The following COL22A1 variants were observed in gnomAD, a reference collection of about 807,000 sequenced individuals.
The protein encoded by COL22A1 is collagen type XXII alpha 1 chain, also known as collagen alpha-1(XXII) chain.
COL22A1 carries 221 observed loss-of-function variants against 248.9 expected under a neutral mutation model. That is an observed-to-expected ratio of 0.89 (90% CI 0.80 to 0.99). The LOEUF (loss-of-function observed/expected upper bound fraction) is 0.99. Among genes scored for constraint, COL22A1 ranks in the 50% least tolerant of loss-of-function variants. The pLI is 0.00. For missense variants in COL22A1, 2,240 were observed against 2,179.0 expected, an observed-to-expected ratio of 1.03 and a Z score of -0.56; for synonymous variants, 891 against 793.4, an observed-to-expected ratio of 1.12 and a Z score of -2.07.
At chr8:138,880,312 A>G (rs1824094210) in intron 2 of COL22A1, among the ~76,000 whole-genome samples, 1 of 152,250 alleles carries the variant, frequency 6.6e-6, no homozygotes. Context: ...GATATGTATA[A>G]CATAGAATTT....
At chr8:138,857,913 G>A (rs1245402423) in intron 3 of COL22A1, among the ~76,000 whole-genome samples, 10 of 152,166 alleles carry the variant, frequency 6.6e-5, no homozygotes, top group East Asian at 3.9e-4. Context: ...CATAGAGGTC[G>A]CCTGCTGAAG....
intron 10 of COL22A1, among the ~76,000 whole-genome samples, chr8:138,804,854 A>C (rs1817339795): frequency 7.3e-6 from 1 of 136,146 alleles, no homozygotes; most frequent in Non-Finnish European, 1.6e-5. Context: ...ACGTATGTAT[A>C]TGTGATGGTG....
At chr8:138,797,768 A>T (rs749843101) in intron 11 of COL22A1, among the ~76,000 whole-genome samples, 1 of 152,188 alleles carries the variant, frequency 6.6e-6, no homozygotes. Context: ...GAGGTATTGA[A>T]GTCTCTAACT....
At chr8:138,600,867 T>G (rs569747547) in intron 60 of COL22A1, among the ~76,000 whole-genome samples, 4 of 152,220 alleles carry the variant, frequency 2.6e-5, no homozygotes, top group African/African-American at 9.7e-5. Flanking sequence ...TACACCTGGA[T>G]GCTAAGGCCC....
chr8:138,761,043 G>A (rs1320274), intron 17 of COL22A1, among the ~76,000 whole-genome samples: 36,769 of 152,034 alleles, frequency 0.24, 4,830 homozygotes, highest in African/African-American at 0.34. Context: ...ATAGACATGC[G>A]TTCAAGGATG....
At chr8:138,688,389 C>T (rs1486243725) in intron 37 of COL22A1, among the ~76,000 whole-genome samples, 4 of 151,882 alleles carry the variant, frequency 2.6e-5, no homozygotes, top group African/African-American at 4.8e-5. Flanking sequence ...GGCATGGTGG[C>T]GCACACCTGT....
intron 18 of COL22A1, among the ~76,000 whole-genome samples, chr8:138,759,367 T>C (rs1360840561): frequency 6.6e-6 from 1 of 152,240 alleles, no homozygotes; most frequent in Non-Finnish European, 1.5e-5. Context: ...GCGATGCTGA[T>C]CGGGTCTCAG....
chr8:138,908,060 A>G (rs1220320682), intron 1 of COL22A1, among the ~76,000 whole-genome samples: 1 of 152,126 alleles, frequency 6.6e-6, no homozygotes, highest in Admixed American at 6.5e-5. Flanking sequence ...CCCCACACAA[A>G]GGCTCATTCA....
intron 16 of COL22A1, among the ~76,000 whole-genome samples, chr8:138,773,550 G>A (rs1471710288): frequency 6.6e-6 from 1 of 152,216 alleles, no homozygotes; most frequent in African/African-American, 2.4e-5. Flanking sequence ...TTTAGCAAAT[G>A]TGTATCAAAG....
intron 3 of COL22A1, among the ~76,000 whole-genome samples, chr8:138,859,219 C>T (rs1333597230): frequency 6.6e-6 from 1 of 152,194 alleles, no homozygotes; most frequent in Non-Finnish European, 1.5e-5. Context: ...TCCAAACTCA[C>T]ACAGTCGTGA....
intron 3 of COL22A1, among the ~76,000 whole-genome samples, chr8:138,855,035 T>C (rs1390044181): frequency 3.9e-5 from 6 of 152,286 alleles, no homozygotes; most frequent in Non-Finnish European, 7.4e-5. Flanking sequence ...TCCTATCCAC[T>C]TGCTGTGTGA....
At chr8:138,799,259 GATC>G (rs1816808414) in intron 11 of COL22A1, among the ~76,000 whole-genome samples, 1 of 151,960 alleles carries the variant, frequency 6.6e-6, no homozygotes, top group East Asian at 1.9e-4. Context: ...TTAGTTCTTT[GATC>G]ATAATTATAA....
At chr8:138,710,508 G>T (rs948692015) in intron 30 of COL22A1, among the ~76,000 whole-genome samples, 2 of 152,080 alleles carry the variant, frequency 1.3e-5, no homozygotes, top group Non-Finnish European at 2.9e-5. Flanking sequence ...TATTTCTATT[G>T]TTATTTAGCA....
chr8:138,683,017 C>A (rs1587851120), intron 39 of COL22A1, among the ~76,000 whole-genome samples: 1 of 152,128 alleles, frequency 6.6e-6, no homozygotes, highest in South Asian at 2.1e-4. Flanking sequence ...ACTTTAAAAC[C>A]AGGACAAACA....
At chr8:138,884,571 C>A (rs1410863370) in intron 1 of COL22A1, among the ~76,000 whole-genome samples, 3 of 152,118 alleles carry the variant, frequency 2.0e-5, no homozygotes, top group Non-Finnish European at 4.4e-5. Flanking sequence ...CAAGGGAGTA[C>A]GTCGGGAGCA....
At chr8:138,632,037 C>A (rs1169894704) in intron 49 of COL22A1, among the ~76,000 whole-genome samples, 1 of 152,184 alleles carries the variant, frequency 6.6e-6, no homozygotes, top group Non-Finnish European at 1.5e-5. Flanking sequence ...GTTCTTTAGA[C>A]AAATTCACAC....
chr8:138,770,871 C>A (rs768919136), intron 16 of COL22A1, among the ~76,000 whole-genome samples: 1 of 152,172 alleles, frequency 6.6e-6, no homozygotes, highest in South Asian at 2.1e-4. Context: ...ACCCCTTCTC[C>A]GTGTCTGTTT....
intron 15 of COL22A1, among the ~76,000 whole-genome samples, chr8:138,776,950 T>C (rs1215536763): frequency 6.6e-6 from 1 of 152,206 alleles, no homozygotes; most frequent in Non-Finnish European, 1.5e-5. Flanking sequence ...ATGTGCCTGC[T>C]CTTCCCAGGT....
rs1826788225 is a variant in COL22A1 at position 138,690,840 on chromosome 8, C to T, written c.2789G>A (p.Ser930Asn). The stretch of plus-strand genomic sequence containing the variant: ...ACTCACCACACTTCCTGGAGGGCCA[C>T]TGGGACCGGGGGCACCGACATGTCC... ...APGHVGAPGP[S>N]GPPGSVGAPG... The change falls in exon 36 of 65, where the codon AGT becomes AAT. Residue 930 changes from serine (S) to asparagine (N), a missense_variant. Transcript: ENST00000303045. The T allele has an allele frequency of 6.2e-7, 1 of 1,610,662 alleles. No homozygotes were observed. The highest frequency in any genetic ancestry group is 1.7e-5 in the Admixed American group (1 of 59,656).
Sources: gnomAD v4.1 joint callset for allele counts (sites outside exome capture counted in the v4.1 genomes callset) on GRCh38, gnomAD v4.1.1 for gene constraint, MANE v1.5 for transcripts, NCBI Gene and HGNC (gene_info 2026-07-23, HGNC 2026-07-21) for gene names.